Variants in FREM1 observed in about 807,000 individuals in gnomAD.
FREM1 encodes the protein FRAS1 related extracellular matrix 1.
Under a neutral mutation model 210.1 loss-of-function variants are expected in FREM1, and 220 were observed. The ratio of observed to expected loss-of-function variants is 1.05; its 90% CI spans 0.94 to 1.17. FREM1 has a LOEUF of 1.17. Among genes scored for constraint, FREM1 ranks in the 50% most tolerant of loss-of-function variants. FREM1 has a pLI of 0.00. For missense variants in FREM1, 3,454 were observed against 2,675.5 expected (o/e 1.29, Z -6.42); for synonymous variants, 1,189 against 980.2 (o/e 1.21, Z -3.98).
rs143893909 is a variant in FREM1, at chr9:14,905,081, AT to A, written c.-268+4832del. On this transcript the variant is annotated intron_variant, in intron 1 of 36. Transcript: ENST00000380880. ...GCATATCTATAAGCATTTTGTCATT[AT>A]TCGCAGCCATTAAAAAAAAAAGTCT... Among the ~76,000 whole-genome samples, 522 of 152,146 alleles carry A rather than the reference AT, an allele frequency of 3.4e-3. 7 individuals are homozygous for A. Among genetic ancestry groups the A allele is most frequent in the African/African-American group, 0.012 (487 of 41,498 alleles).
intron 1 of FREM1, among the ~76,000 whole-genome samples, chr9:14,890,348 T>C (rs1475823854): frequency 6.6e-6 from 1 of 152,158 alleles, no homozygotes; most frequent in African/African-American, 2.4e-5. Flanking sequence ...CTTGTGAAAA[T>C]GAATATTTTG....
intron 5 of FREM1, among the ~76,000 whole-genome samples, chr9:14,855,668 C>T (rs1828602016): frequency 6.6e-6 from 1 of 151,816 alleles, no homozygotes; most frequent in Non-Finnish European, 1.5e-5. Context: ...TTAATATTCT[C>T]TGCAGTGAGC....
At chr9:14,821,629 G>GACGGA (rs1821333805) in intron 13 of FREM1, among the ~76,000 whole-genome samples, 1 of 152,204 alleles carries the variant, frequency 6.6e-6, no homozygotes, top group Non-Finnish European at 1.5e-5. Context: ...AAAGAATGGA[G>GACGGA]TTAGTTTAAA....
chr9:14,878,883 C>T (rs527509918), intron 1 of FREM1, among the ~76,000 whole-genome samples: 9 of 152,162 alleles, frequency 5.9e-5, no homozygotes, highest in East Asian at 5.8e-4. Context: ...AGGCCAAGCA[C>T]GGTGGCTCAT....
intron 14 of FREM1, 125 bp downstream of exon 14, chr9:14,819,109 T>C: frequency 5.3e-6 from 3 of 564,664 alleles, no homozygotes; most frequent in Non-Finnish European, 9.1e-6. Flanking sequence ...ACCCGTTGAG[T>C]GTGTTAAGTG....
At chr9:14,752,757 C>G (rs73413733) in intron 29 of FREM1, among the ~76,000 whole-genome samples, 1,564 of 152,170 alleles carry the variant, frequency 0.01, 25 homozygotes, top group African/African-American at 0.036. Context: ...TAAAGTTAAG[C>G]ATCATGTAAA....
rs138164959 is a variant in FREM1, at chr9:14,871,340, T to C, written c.-267-2096A>G. On this transcript the variant is annotated intron_variant, in intron 1 of 36. Transcript: ENST00000380880. ...TGTTGTTTCCTGACTTTTTAGTGAT[T>C]GCCATTCTAACTGGTGTGAGATGGT... Among the ~76,000 whole-genome samples, 417 of 152,296 alleles carry C rather than the reference T, an allele frequency of 2.7e-3. 2 individuals carry two copies. Among genetic ancestry groups the C allele is most frequent in the African/African-American group, 9.5e-3 (393 of 41,566 alleles).
chr9:14,830,553 G>T (rs79900331), intron 10 of FREM1, among the ~76,000 whole-genome samples: 2,095 of 152,198 alleles, frequency 0.014, 55 homozygotes, highest in African/African-American at 0.047. Context: ...GCATAAATAT[G>T]TAAAGACATA....
chr9:14,770,466 T>C lies in FREM1; in HGVS notation c.5059+139A>G. 9.5e-6 allele frequency: 6 copies of C among 633,642 alleles called. No homozygotes were observed. The South Asian group carries it at 1.0e-4, about 11-fold the overall frequency. The allele number at this position is 633,642 out of a possible 1,614,324, so 39.3% of individuals were successfully genotyped here. On this transcript the variant is annotated intron_variant, in intron 26 of 36. Transcript: ENST00000380880. ...CTTCAAACCCTCTTTAGGAGCAATA[T>C]TGATTTATAAACTGCATCTATCAGT...
At chr9:14,901,403 C>G (rs2132610967) in intron 1 of FREM1, among the ~76,000 whole-genome samples, 1 of 152,274 alleles carries the variant, frequency 6.6e-6, no homozygotes, top group East Asian at 1.9e-4. Flanking sequence ...TGGCCCTTAT[C>G]CCATACTCCT....
Position 14,775,903 on chromosome 9 carries a change from G to T in FREM1, c.4743C>A (p.His1581Gln). The T allele has an allele frequency of 6.2e-7, 1 of 1,613,914 alleles. No individual in the cohort carries two copies. Among genetic ancestry groups the T allele is most frequent in the Non-Finnish European group, 8.5e-7 (1 of 1,179,814 alleles). ...AGTCAGTCTGGGAGTCCCCTCCTGA[G>T]TGCCGATAGGCCACATTCTTGCTGT... Reference protein sequence around the residue: ...DVDSKNVAYRHSGGDSQTDCF... With the variant: ...DVDSKNVAYRQSGGDSQTDCF... The change falls in exon 25 of 37, where the codon CAC becomes CAA. Residue 1581 changes from histidine to glutamine, a missense_variant. Transcript: ENST00000380880.
intron 10 of FREM1, among the ~76,000 whole-genome samples, chr9:14,833,096 G>A (rs900768058): frequency 6.6e-6 from 1 of 152,080 alleles, no homozygotes. Context: ...CTGTCTTCTT[G>A]TGCTAAGTCA....
intron 5 of FREM1, among the ~76,000 whole-genome samples, chr9:14,854,703 T>C (rs562991705): frequency 4.5e-4 from 69 of 152,002 alleles, no homozygotes; most frequent in Non-Finnish European, 9.3e-4. Flanking sequence ...CTTAAAATAA[T>C]TGAATTCAGG....
chr9:14,759,997 A>C (rs984260847), intron 27 of FREM1, 96 bp from the exon 28 acceptor site: 27 of 872,588 alleles, frequency 3.1e-5, no homozygotes, highest in Non-Finnish European at 4.0e-5. Flanking sequence ...GTGGTTGATC[A>C]ACCTACACCA....
intron 2 of FREM1, among the ~76,000 whole-genome samples, chr9:14,866,593 C>T (rs532548228): frequency 6.6e-6 from 1 of 152,180 alleles, no homozygotes; most frequent in Non-Finnish European, 1.5e-5. Context: ...AACTGGAAGA[C>T]AGCTTAGACA....
chr9:14,873,732 C>T (rs1191327655), intron 1 of FREM1, among the ~76,000 whole-genome samples: 3 of 152,116 alleles, frequency 2.0e-5, no homozygotes, highest in Non-Finnish European at 4.4e-5. Flanking sequence ...TTTGCTCTTG[C>T]TTTTCTAGTT....
chr9:14,883,693 C>T, intron 1 of FREM1, among the ~76,000 whole-genome samples: 1 of 152,176 alleles, frequency 6.6e-6, no homozygotes, highest in East Asian at 1.9e-4. Context: ...ATTACTATGT[C>T]CAGTGACAGC....
chr9:14,783,087 C>T (rs1039025131), intron 24 of FREM1, among the ~76,000 whole-genome samples: 5 of 152,184 alleles, frequency 3.3e-5, no homozygotes, highest in Non-Finnish European at 5.9e-5. Flanking sequence ...TGATTACCTG[C>T]TTGTTAAGGG....
intron 1 of FREM1, among the ~76,000 whole-genome samples, chr9:14,898,298 G>T (rs1042628324): frequency 2.0e-5 from 3 of 152,194 alleles, no homozygotes; most frequent in African/African-American, 7.2e-5. Context: ...AATCAAAGTT[G>T]CCAGCACACA....
Sources: allele counts gnomAD v4.1 joint callset (sites outside exome capture counted in the v4.1 genomes callset), GRCh38; gene constraint gnomAD v4.1.1; transcripts MANE v1.5; gene names NCBI Gene and HGNC (gene_info 2026-07-23, HGNC 2026-07-21).